FSTL5: variants seen among roughly 807,000 people sequenced by gnomAD.
FSTL5 encodes the protein follistatin like 5.
In FSTL5, 62 loss-of-function variants were observed where a neutral mutation model predicts 89.1. The observed-to-expected ratio is 0.70, with a 90% CI of 0.57 to 0.86. The LOEUF is 0.86. Ranked by LOEUF, FSTL5 falls within the 40% of genes least tolerant of loss-of-function variation. The pLI is 0.00. For missense variants in FSTL5, 1,057 were observed against 1,001.6 expected, an observed-to-expected ratio of 1.06 and a Z score of -0.75; for synonymous variants, 383 against 346.2, an observed-to-expected ratio of 1.11 and a Z score of -1.18.
chr4:161,915,750 A>G (rs976748411), intron 4 of FSTL5, among the ~76,000 whole-genome samples: 4 of 150,284 alleles, frequency 2.7e-5, no homozygotes, highest in Non-Finnish European at 4.4e-5. Context: ...TGCAGTTTCA[A>G]TTGTCTAATA....
chr4:162,067,648 A>G (rs1450394313), intron 2 of FSTL5, among the ~76,000 whole-genome samples: 1 of 152,066 alleles, frequency 6.6e-6, no homozygotes, highest in Non-Finnish European at 1.5e-5. Flanking sequence ...CCAGCACAAG[A>G]CAAAGATGAC....
chr4:161,808,946 C>T (rs949972737), intron 4 of FSTL5, among the ~76,000 whole-genome samples: 20 of 152,270 alleles, frequency 1.3e-4, no homozygotes, highest in Admixed American at 4.6e-4. Context: ...TGACCGGGTG[C>T]GGTTGCTCAC....
At chr4:161,761,268 A>G (rs1222697949) in intron 5 of FSTL5, among the ~76,000 whole-genome samples, 2 of 152,178 alleles carry the variant, frequency 1.3e-5, no homozygotes, top group Non-Finnish European at 1.5e-5. Flanking sequence ...AAAAATACAT[A>G]TATTACAATT....
intron 6 of FSTL5, among the ~76,000 whole-genome samples, chr4:161,723,871 A>G (rs1739301581): frequency 6.6e-6 from 1 of 152,298 alleles, no homozygotes; most frequent in East Asian, 1.9e-4. Context: ...AAGAAGTAAC[A>G]TATATTTGAA....
At chr4:161,417,903 C>T (rs1409739168) in intron 15 of FSTL5, among the ~76,000 whole-genome samples, 1 of 152,156 alleles carries the variant, frequency 6.6e-6, no homozygotes, top group Non-Finnish European at 1.5e-5. Flanking sequence ...TTTACACAGA[C>T]TGATGGAGAT....
chr4:162,088,687 A>C (rs1241125027), intron 2 of FSTL5, among the ~76,000 whole-genome samples: 1 of 152,140 alleles, frequency 6.6e-6, no homozygotes, highest in Non-Finnish European at 1.5e-5. Flanking sequence ...AACAGATTTA[A>C]TTTTGTAGAA....
At chr4:161,559,246 T>C (rs972311855) in intron 8 of FSTL5, among the ~76,000 whole-genome samples, 1 of 151,878 alleles carries the variant, frequency 6.6e-6, no homozygotes, top group African/African-American at 2.4e-5. Flanking sequence ...CTTTTTCCTC[T>C]TCCTAATTAG....
intron 8 of FSTL5, among the ~76,000 whole-genome samples, chr4:161,549,409 C>T (rs528031378): frequency 9.9e-5 from 15 of 151,612 alleles, no homozygotes; most frequent in East Asian, 2.0e-4. Flanking sequence ...ATAATAGGCT[C>T]TTTGAGAGAA....
At chr4:161,523,915 G>T (rs1049406070) in intron 10 of FSTL5, among the ~76,000 whole-genome samples, 2 of 151,888 alleles carry the variant, frequency 1.3e-5, no homozygotes, top group African/African-American at 4.8e-5. Flanking sequence ...ACCTTTGAAG[G>T]GTAAACCAAA....
In FSTL5 at chr4:161,860,145, G is replaced by A. The variant is rs368978765; in HGVS notation, c.409+60259C>T. The stretch of plus-strand genomic sequence containing the variant: ...CTACTAAAAATACAAAAAATTAGCC[G>A]GGCGTGGTGGCGGGCGCCTGTAGTC... On this transcript the variant is annotated intron_variant, in intron 4 of 15. Coordinates refer to ENST00000306100, the MANE Select transcript of FSTL5 (RefSeq NM_020116.5). 7.1e-4 allele frequency among the ~76,000 whole-genome samples: 108 copies of A among 152,060 alleles called. 1 individual carries two copies. The highest frequency in any genetic ancestry group is 2.0e-3 in the African/African-American group (81 of 41,504).
chr4:161,709,713 T>C (rs922569461), intron 6 of FSTL5, among the ~76,000 whole-genome samples: 5 of 152,058 alleles, frequency 3.3e-5, no homozygotes, highest in Admixed American at 6.6e-5. Flanking sequence ...CGAGGATCAC[T>C]TGAGCCCAGG....
chr4:162,000,796 A>G (rs192626855), intron 3 of FSTL5, among the ~76,000 whole-genome samples: 5 of 152,234 alleles, frequency 3.3e-5, no homozygotes, highest in Admixed American at 2.0e-4. Flanking sequence ...ATTATAAACT[A>G]TCTTACATGG....
At chr4:162,154,949 G>A (rs1733408985) in intron 1 of FSTL5, among the ~76,000 whole-genome samples, 1 of 151,950 alleles carries the variant, frequency 6.6e-6, no homozygotes, top group Non-Finnish European at 1.5e-5. Context: ...ATAAATTTAG[G>A]GTTAGAAAGA....
chr4:161,717,388 T>G (rs1452326390), intron 6 of FSTL5, among the ~76,000 whole-genome samples: 1 of 152,208 alleles, frequency 6.6e-6, no homozygotes, highest in African/African-American at 2.4e-5. Context: ...AAGTCTATGT[T>G]AATTTAGAGT....
At chr4:162,026,304 C>CTTTTGTTTTTTTTTTTTTTTTTT (rs1737281823) in intron 3 of FSTL5, among the ~76,000 whole-genome samples, 2 of 79,468 alleles carry the variant, frequency 2.5e-5, no homozygotes, top group African/African-American at 9.8e-5. Context: ...TATGTATTTT[C>CTTTTGTTTTTTTTTTTTTTTTTT]TTTTTTTTTT....
At chr4:161,855,773 T>G (rs896261356) in intron 4 of FSTL5, among the ~76,000 whole-genome samples, 1 of 152,150 alleles carries the variant, frequency 6.6e-6, no homozygotes, top group Non-Finnish European at 1.5e-5. Context: ...CTTTCTCACT[T>G]AGACTGGTAA....
chr4:161,977,535 C>T (rs1332683975), intron 3 of FSTL5, among the ~76,000 whole-genome samples: 2 of 147,774 alleles, frequency 1.4e-5, no homozygotes, highest in Non-Finnish European at 3.0e-5. Context: ...ATGGCGTGTA[C>T]ATGGAAGGCG....
chr4:161,658,013 C>T (rs1736579144), intron 6 of FSTL5, among the ~76,000 whole-genome samples: 1 of 152,120 alleles, frequency 6.6e-6, no homozygotes, highest in Non-Finnish European at 1.5e-5. Context: ...AAAGGCTCAG[C>T]CCAAACTCAT....
chr4:161,438,272 T>A (rs1368867259), intron 15 of FSTL5, among the ~76,000 whole-genome samples: 10 of 147,682 alleles, frequency 6.8e-5, no homozygotes, highest in Non-Finnish European at 1.5e-4. Context: ...TATGAGCCCA[T>A]CTGGCCATTT....
Sources: allele counts gnomAD v4.1 joint callset (sites outside exome capture counted in the v4.1 genomes callset), GRCh38; gene constraint gnomAD v4.1.1; transcripts MANE v1.5; gene names NCBI Gene and HGNC (gene_info 2026-07-23, HGNC 2026-07-21).